PLD1: variants seen among roughly 807,000 people sequenced by gnomAD.
The protein encoded by PLD1 is choline phosphatase 1.
A neutral mutation model predicts 137.1 loss-of-function variants in PLD1; 112 were observed. The observed-to-expected ratio is 0.82, with a 90% CI of 0.70 to 0.96. The LOEUF (loss-of-function observed/expected upper bound fraction) is 0.96. PLD1 is among the 40% of genes least tolerant of loss of function. The pLI, the probability that PLD1 is intolerant of heterozygous loss-of-function variation, is 0.00. For missense variants in PLD1, 1,321 were observed against 1,342.0 expected, an observed-to-expected ratio of 0.98 and a Z score of 0.24; for synonymous variants, 431 against 454.7, an observed-to-expected ratio of 0.95 and a Z score of 0.66.
At chr3:171,630,938 A>G (rs1423779138) in intron 23 of PLD1, among the ~76,000 whole-genome samples, 1 of 151,514 alleles carries the variant, frequency 6.6e-6, no homozygotes, top group Non-Finnish European at 1.5e-5. Context: ...TGGGTGCAGC[A>G]CACCAGCATG....
intron 23 of PLD1, among the ~76,000 whole-genome samples, chr3:171,624,013 A>C (rs1733870198): frequency 1.3e-5 from 2 of 151,788 alleles, no homozygotes; most frequent in Admixed American, 6.6e-5. Context: ...AAAAAAAAAA[A>C]AGATTTGTAA....
intron 1 of PLD1, among the ~76,000 whole-genome samples, chr3:171,746,876 C>G (rs939978895): frequency 6.6e-6 from 1 of 152,194 alleles, no homozygotes; most frequent in Non-Finnish European, 1.5e-5. Context: ...GGGCCCCCTT[C>G]AATACGGTGG....
chr3:171,808,515 G>A (rs1261004047), intron 1 of PLD1, among the ~76,000 whole-genome samples: 2 of 152,094 alleles, frequency 1.3e-5, no homozygotes, highest in African/African-American at 4.8e-5. Context: ...CAGCCTGGGC[G>A]ACAGAGCGAG....
chr3:171,601,596 T>G lies in PLD1; in HGVS notation c.*1482A>C, dbSNP rs1167018939. ...CCTTGATGTGACACTATTTCTCTCT[T>G]CTGCTAACCCCTATCCCTGACTTTG... On this transcript the variant is annotated 3_prime_UTR_variant, in exon 27 of 27. Coordinates refer to ENST00000351298, the MANE Select transcript of PLD1 (RefSeq NM_002662.5). The G allele has an allele frequency of 6.6e-6, 1 of 152,172 alleles. No individual in the cohort carries two copies. Among genetic ancestry groups the G allele is most frequent in the Admixed American group, 6.5e-5 (1 of 15,276 alleles). The allele number at this position is 152,172 out of a possible 1,614,324, so 9.4% of individuals were successfully genotyped here. A position where few individuals can be genotyped will look rare whatever the true frequency, so the allele number is the denominator to read the frequency against.
chr3:171,698,672 G>T (rs1431807683), intron 12 of PLD1, among the ~76,000 whole-genome samples: 1 of 151,982 alleles, frequency 6.6e-6, no homozygotes, highest in African/African-American at 2.4e-5. Context: ...AATAAAAAAA[G>T]GTTGGCCGGG....
intron 16 of PLD1, among the ~76,000 whole-genome samples, chr3:171,683,733 T>A (rs889581236): frequency 6.6e-6 from 1 of 152,242 alleles, no homozygotes; most frequent in Non-Finnish European, 1.5e-5. Flanking sequence ...GTATACACAG[T>A]TCCCATCCTT....
intron 25 of PLD1, among the ~76,000 whole-genome samples, chr3:171,608,562 T>C (rs918285633): frequency 6.6e-6 from 1 of 152,178 alleles, no homozygotes; most frequent in Non-Finnish European, 1.5e-5. Context: ...CACACTGGCA[T>C]GCAAGTAAAC....
intron 1 of PLD1, among the ~76,000 whole-genome samples, chr3:171,807,288 C>A (rs937231793): frequency 7.1e-6 from 1 of 141,552 alleles, no homozygotes; most frequent in Non-Finnish European, 1.6e-5. Flanking sequence ...GAGTGAGACC[C>A]TGTCTCAAAA....
intron 13 of PLD1, among the ~76,000 whole-genome samples, chr3:171,691,871 T>C (rs1007111722): frequency 1.3e-5 from 2 of 152,238 alleles, no homozygotes; most frequent in Admixed American, 1.3e-4. Context: ...AAAGAACTTT[T>C]TCAAATTGCT....
chr3:171,792,953 C>T (rs2108352299), intron 1 of PLD1: 1 of 307,356 alleles, frequency 3.3e-6, no homozygotes, highest in East Asian at 9.9e-5. Context: ...TCTCAAAACA[C>T]ATGTGAGACA....
intron 19 of PLD1, among the ~76,000 whole-genome samples, chr3:171,664,824 C>T (rs1711932837): frequency 1.3e-5 from 2 of 152,212 alleles, no homozygotes; most frequent in East Asian, 1.9e-4. Flanking sequence ...ATTTAAATAT[C>T]ATGGAGGTTC....
At chr3:171,806,143 C>A (rs1487276388) in intron 1 of PLD1, among the ~76,000 whole-genome samples, 1 of 152,126 alleles carries the variant, frequency 6.6e-6, no homozygotes, top group Non-Finnish European at 1.5e-5. Context: ...GTGCAAGGCA[C>A]AAAGTAAACA....
Position 171,676,878 on chromosome 3 carries a change from T to C in PLD1, c.1997-45A>G. The C allele has an allele frequency of 4.5e-6, 6 of 1,335,234 alleles. No homozygotes were observed. In the Admixed American group the frequency reaches 7.0e-5, roughly 15 times the overall value. 82.7% of individuals were successfully genotyped at this position (1,335,234 alleles called of 1,614,324 possible). A position where few individuals can be genotyped will look rare whatever the true frequency, so the allele number is the denominator to read the frequency against. On this transcript the variant is annotated intron_variant, in intron 17 of 26. Coordinates refer to ENST00000351298, the MANE Select transcript of PLD1 (RefSeq NM_002662.5). ...AAGGATCAGTCATTAACTTCAGTGT[T>C]GGGGCAAAGTCTCTCTGACTCCAAC...
intron 23 of PLD1, among the ~76,000 whole-genome samples, chr3:171,639,310 AT>A (rs1424687656): frequency 7.3e-6 from 1 of 137,786 alleles, no homozygotes; most frequent in African/African-American, 2.7e-5. Context: ...TATATCATAT[AT>A]TATCTATATA....
At chr3:171,703,784 C>A (rs1180965917) in intron 11 of PLD1, among the ~76,000 whole-genome samples, 1 of 152,152 alleles carries the variant, frequency 6.6e-6, no homozygotes, top group East Asian at 1.9e-4. Flanking sequence ...TGGAAACAGG[C>A]ATTGGCACAG....
chr3:171,782,093 C>T (rs1722816550), intron 1 of PLD1, among the ~76,000 whole-genome samples: 1 of 152,196 alleles, frequency 6.6e-6, no homozygotes, highest in Non-Finnish European at 1.5e-5. Flanking sequence ...ATGAATACAT[C>T]TCAGAAACAT....
In PLD1 at chr3:171,612,337, C is replaced by T; in HGVS notation, c.2824G>A (p.Asp942Asn). 6.2e-7 allele frequency: 1 copy of T among 1,614,110 alleles called. No homozygotes were observed. Among genetic ancestry groups the T allele is most frequent in the Non-Finnish European group, 8.5e-7 (1 of 1,179,980 alleles). ...CGGCCAGCTTGGTACTCTTTTCCAT[C>T]CATTACTGAAGGAACAGTCTCTGTA... ...QDTETVPSVM[D>N]GKEYQAGRFA... Residue 942 changes from aspartate to asparagine, a missense_variant, in exon 25 of 27, where the codon GAT becomes AAT. Transcript: ENST00000351298. This position sits in a 1 kb window ranked among gnomAD's most constrained non-coding sequence, Gnocchi z 4.1.
At chr3:171,652,382 C>A (rs1215099256) in intron 21 of PLD1, among the ~76,000 whole-genome samples, 1 of 147,128 alleles carries the variant, frequency 6.8e-6, no homozygotes, top group African/African-American at 2.5e-5. Flanking sequence ...CACTGCACTC[C>A]AGCCTCGGCG....
At chr3:171,694,132 A>G (rs532949428) in intron 12 of PLD1, among the ~76,000 whole-genome samples, 7 of 152,274 alleles carry the variant, frequency 4.6e-5, no homozygotes, top group African/African-American at 1.7e-4. Context: ...GGTGTTAGTA[A>G]TATCTTAAAG....
Sources: gnomAD v4.1 joint callset for allele counts (sites outside exome capture counted in the v4.1 genomes callset) on GRCh38, gnomAD v4.1.1 for gene constraint, Gnocchi (gnomAD v3.1) non-coding constraint, MANE v1.5 for transcripts, NCBI Gene and HGNC (gene_info 2026-07-23, HGNC 2026-07-21) for gene names.